PRKG1: variants seen among roughly 807,000 people sequenced by gnomAD.
PRKG1 encodes cGMP-dependent protein kinase 1.
In PRKG1, 35 loss-of-function variants were observed where a neutral mutation model predicts 88.1. The ratio of observed to expected loss-of-function variants is 0.40; its 90% CI spans 0.30 to 0.53. PRKG1 has a LOEUF of 0.53. Among genes scored for constraint, PRKG1 ranks in the 20% least tolerant of loss-of-function variants. The pLI is 0.59. For missense variants in PRKG1, 540 were observed against 839.8 expected (o/e 0.64, Z 4.41); for synonymous variants, 303 against 292.5 (o/e 1.04, Z -0.37).
intron 3 of PRKG1, among the ~76,000 whole-genome samples, chr10:51,588,596 A>G (rs1012601706): frequency 5.9e-5 from 9 of 152,316 alleles, no homozygotes; most frequent in African/African-American, 1.4e-4. Context: ...ACAGTAAAGA[A>G]CTAGAAGGTG....
At chr10:52,063,982 T>C (rs1276755238) in intron 7 of PRKG1, among the ~76,000 whole-genome samples, 1 of 152,146 alleles carries the variant, frequency 6.6e-6, no homozygotes, top group Non-Finnish European at 1.5e-5. Flanking sequence ...TGAGTGGCAA[T>C]AGGCAGGTCC....
intron 3 of PRKG1, among the ~76,000 whole-genome samples, chr10:51,602,876 A>G (rs1838653742): frequency 6.6e-6 from 1 of 151,888 alleles, no homozygotes. Flanking sequence ...TTTCCTAGGT[A>G]TAATGTTTTT....
At chr10:51,141,953 G>GT (rs1475252942) in intron 1 of PRKG1, among the ~76,000 whole-genome samples, 1 of 152,104 alleles carries the variant, frequency 6.6e-6, no homozygotes, top group Non-Finnish European at 1.5e-5. Context: ...CCATTTTGCA[G>GT]TTTTTTGGAA....
intron 2 of PRKG1, among the ~76,000 whole-genome samples, chr10:51,198,235 A>T (rs982542516): frequency 6.6e-6 from 1 of 152,086 alleles, no homozygotes; most frequent in Non-Finnish European, 1.5e-5. Flanking sequence ...GGAGTTTGTC[A>T]TATCTTCTCC....
At chr10:51,707,745 C>T (rs1474739197) in intron 3 of PRKG1, among the ~76,000 whole-genome samples, 1 of 152,090 alleles carries the variant, frequency 6.6e-6, no homozygotes, top group Non-Finnish European at 1.5e-5. Flanking sequence ...AGGAAAGAGG[C>T]CTTTCTGAAA....
chr10:51,210,529 T>A (rs1247193172), intron 2 of PRKG1, among the ~76,000 whole-genome samples: 1 of 152,166 alleles, frequency 6.6e-6, no homozygotes, highest in Non-Finnish European at 1.5e-5. Flanking sequence ...ATCCAGGAGC[T>A]GATTTTTTGA....
intron 3 of PRKG1, among the ~76,000 whole-genome samples, chr10:51,688,476 C>T (rs1319610019): frequency 2.6e-5 from 4 of 151,814 alleles, no homozygotes; most frequent in Non-Finnish European, 5.9e-5. Flanking sequence ...GATAACATTT[C>T]CTCAAGGATT....
chr10:52,147,876 G>T (rs945116359), intron 8 of PRKG1, among the ~76,000 whole-genome samples: 3 of 152,160 alleles, frequency 2.0e-5, no homozygotes, highest in Non-Finnish European at 2.9e-5. Flanking sequence ...GATGGAAGCT[G>T]GTTAATACAG....
intron 5 of PRKG1, among the ~76,000 whole-genome samples, chr10:51,916,931 G>A (rs1842353834): frequency 6.6e-6 from 1 of 152,164 alleles, no homozygotes; most frequent in Non-Finnish European, 1.5e-5. Flanking sequence ...CACATATTGT[G>A]TGATTTCATT....
rs74132536 is a variant in PRKG1, at chr10:51,576,121, G to A, written c.592+108285G>A. 5.3e-3 allele frequency among the ~76,000 whole-genome samples: 805 copies of A among 151,994 alleles called. 6 individuals carry two copies. Among genetic ancestry groups the A allele is most frequent in the African/African-American group, 0.019 (770 of 41,530 alleles). On this transcript the variant is annotated intron_variant, in intron 3 of 17. Coordinates refer to ENST00000373980, the MANE Select transcript of PRKG1 (RefSeq NM_006258.4). Reference sequence around the variant, plus strand: ...TAATAAAATGGCAGCTTCAAGAGGTGAAGTAACTTGCCCATGGTCACGCAC... The same window carrying A: ...TAATAAAATGGCAGCTTCAAGAGGTAAAGTAACTTGCCCATGGTCACGCAC...
At chr10:51,308,966 A>G (rs1017230560) in intron 2 of PRKG1, among the ~76,000 whole-genome samples, 1 of 152,038 alleles carries the variant, frequency 6.6e-6, no homozygotes, top group African/African-American at 2.4e-5. Flanking sequence ...AGAAAGCTGG[A>G]AAGTGGGACC....
intron 9 of PRKG1, chr10:52,184,916 C>T (rs1839150365): frequency 6.6e-6 from 1 of 152,170 alleles, no homozygotes; most frequent in South Asian, 2.1e-4. Context: ...GAGGGATCCA[C>T]CCCCATGATC....
intron 2 of PRKG1, among the ~76,000 whole-genome samples, chr10:51,160,158 C>T (rs1216139530): frequency 6.6e-6 from 1 of 152,080 alleles, no homozygotes; most frequent in East Asian, 1.9e-4. Context: ...AAGAGCCTAG[C>T]CCTCAAAAGA....
chr10:52,012,717 CTAGA>C (rs1844924294), intron 5 of PRKG1, among the ~76,000 whole-genome samples: 1 of 151,896 alleles, frequency 6.6e-6, no homozygotes, highest in African/African-American at 2.4e-5. Flanking sequence ...CAGCTAAATC[CTAGA>C]TAGAGAGATG....
At chr10:51,142,591 G>A (rs1169812991) in intron 1 of PRKG1, among the ~76,000 whole-genome samples, 1 of 152,010 alleles carries the variant, frequency 6.6e-6, no homozygotes, top group Non-Finnish European at 1.5e-5. Context: ...ATAAAAGAAG[G>A]TTTAAAAAGT....
intron 2 of PRKG1, among the ~76,000 whole-genome samples, chr10:51,218,151 A>G (rs972184614): frequency 6.6e-6 from 1 of 152,286 alleles, no homozygotes. Context: ...TGAGGTAAAT[A>G]CAGTATCTGT....
At chr10:52,078,112 C>T (rs1442389595) in intron 7 of PRKG1, among the ~76,000 whole-genome samples, 3 of 152,340 alleles carry the variant, frequency 2.0e-5, no homozygotes, top group Non-Finnish European at 4.4e-5. Flanking sequence ...TTTCCACACA[C>T]ATTCTGTAAG....
chr10:52,220,427 A>ATT (rs1003250582), intron 9 of PRKG1, among the ~76,000 whole-genome samples: 6 of 151,826 alleles, frequency 4.0e-5, no homozygotes, highest in Admixed American at 1.3e-4. Flanking sequence ...ATATATATAT[A>ATT]TATGTAAGTT....
chr10:51,499,572 G>A (rs537966522), intron 3 of PRKG1, among the ~76,000 whole-genome samples: 8 of 152,148 alleles, frequency 5.3e-5, no homozygotes, highest in African/African-American at 1.9e-4. Context: ...TTCATTTTAA[G>A]TGTGAAAATA....
Sources: gnomAD v4.1 joint callset for allele counts (sites outside exome capture counted in the v4.1 genomes callset) on GRCh38, gnomAD v4.1.1 for gene constraint, MANE v1.5 for transcripts, NCBI Gene and HGNC (gene_info 2026-07-23, HGNC 2026-07-21) for gene names.